Variants in AFAP1L2 observed in about 807,000 individuals in gnomAD.
AFAP1L2 encodes the protein actin filament-associated protein 1-like 2.
In AFAP1L2, 46 loss-of-function variants were observed where a neutral mutation model predicts 99.3. The ratio of observed to expected loss-of-function variants is 0.46; its 90% CI spans 0.37 to 0.59. AFAP1L2 has a LOEUF of 0.59. AFAP1L2 is among the 20% of genes least tolerant of loss of function. The pLI, the probability that AFAP1L2 is intolerant of heterozygous loss-of-function variation, is 0.00. For missense variants in AFAP1L2, 959 were observed against 1,034.9 expected, an observed-to-expected ratio of 0.93 and a Z score of 1.01; for synonymous variants, 397 against 419.1, an observed-to-expected ratio of 0.95 and a Z score of 0.64.
chr10:114,305,700 C>CGCA (rs2042180962), intron 10 of AFAP1L2, among the ~76,000 whole-genome samples: 4 of 44,006 alleles, frequency 9.1e-5, no homozygotes, highest in Admixed American at 6.1e-4. Flanking sequence ...CAGGAGGGAG[C>CGCA]GGGGCTGGAG....
chr10:114,288,961 C>T, the AFAP1L2 span: 1 of 1,611,950 alleles, frequency 6.2e-7, no homozygotes, highest in Non-Finnish European at 8.5e-7. Context: ...AGCCCTGGAC[C>T]TCGTCTTCAT....
chr10:114,331,752 A>C (rs2047265228), intron 4 of AFAP1L2, 51 bp downstream of exon 4: 1 of 1,248,230 alleles, frequency 8.0e-7, no homozygotes, highest in Admixed American at 4.1e-5. Flanking sequence ...GACAACTGGA[A>C]GTTCAAGGGG....
chr10:114,370,899 T>C (rs2054002369), intron 1 of AFAP1L2, among the ~76,000 whole-genome samples: 1 of 152,180 alleles, frequency 6.6e-6, no homozygotes, highest in Non-Finnish European at 1.5e-5. Flanking sequence ...TTTCCATAAA[T>C]CCCATGTAAC....
chr10:114,307,727 C>T (rs2042638459), intron 10 of AFAP1L2, 78 bp downstream of exon 10: 12 of 1,245,102 alleles, frequency 9.6e-6, no homozygotes, highest in South Asian at 2.5e-5. Flanking sequence ...CCCCTGCCTT[C>T]GCTGTCTGAG....
Position 114,351,553 on chromosome 10 carries a change from C to T in AFAP1L2, c.17-10822G>A, listed in dbSNP as rs192962055. Among the ~76,000 whole-genome samples, 328 of 152,314 alleles carry T rather than the reference C, an allele frequency of 2.2e-3. 2 individuals are homozygous for T. The highest frequency in any genetic ancestry group is 7.7e-3 in the African/African-American group (318 of 41,564). ...CCCCAGCAATCCAAAGTGACCACCA[C>T]TCTGAGGTTGGAGTCAACCGGGGGG... is the stretch of plus-strand genomic sequence containing the variant. On this transcript the variant is annotated intron_variant, in intron 1 of 18. Coordinates refer to ENST00000304129, the MANE Select transcript of AFAP1L2 (RefSeq NM_001001936.3).
intron 18 of AFAP1L2, 79 bp from the exon 19 acceptor site, chr10:114,296,147 C>A: frequency 1.3e-6 from 2 of 1,586,572 alleles, no homozygotes; most frequent in South Asian, 1.1e-5. Flanking sequence ...CCTTGATATA[C>A]ATAGAAAAAA....
intron 5 of AFAP1L2, among the ~76,000 whole-genome samples, chr10:114,320,711 G>A (rs1177649938): frequency 6.6e-6 from 1 of 152,190 alleles, no homozygotes; most frequent in Non-Finnish European, 1.5e-5. Flanking sequence ...AGAAGCGCTG[G>A]CCTTTCTGAC....
chr10:114,291,273 A>G (rs2039572471), downstream of AFAP1L2: 2 of 1,543,740 alleles, frequency 1.3e-6, no homozygotes. Context: ...CAGCAGCCGT[A>G]CCCCTCCCAG....
downstream of AFAP1L2, chr10:114,291,321 A>T: frequency 1.4e-6 from 2 of 1,441,878 alleles, no homozygotes; most frequent in Non-Finnish European, 1.9e-6. Flanking sequence ...AATGGTGCCT[A>T]CCTTCTGGAA....
At chr10:114,301,534 G>T in intron 12 of AFAP1L2, 69 bp from the exon 13 acceptor site, 2 of 1,174,948 alleles carry the variant, frequency 1.7e-6, no homozygotes, top group East Asian at 2.3e-5. Flanking sequence ...AGACTCCAAG[G>T]ATTCCCAGTG....
chr10:114,398,080 C>T (rs146984260), intron 1 of AFAP1L2, among the ~76,000 whole-genome samples: 1 of 152,278 alleles, frequency 6.6e-6, no homozygotes, highest in Non-Finnish European at 1.5e-5. Flanking sequence ...GCAGGCTCCT[C>T]CTGTTTTTCT....
At chr10:114,371,896 T>C (rs2054165210) in intron 1 of AFAP1L2, among the ~76,000 whole-genome samples, 1 of 151,994 alleles carries the variant, frequency 6.6e-6, no homozygotes, top group South Asian at 2.1e-4. Context: ...TTATAGCTCA[T>C]ATACCTAGTG....
At chr10:114,343,100 G>A (rs1398193997) in intron 1 of AFAP1L2, among the ~76,000 whole-genome samples, 1 of 152,236 alleles carries the variant, frequency 6.6e-6, no homozygotes, top group African/African-American at 2.4e-5. Flanking sequence ...AAAAATCCAG[G>A]TATCTGGCAG....
At chr10:114,340,762 T>A (rs2048701937) in intron 1 of AFAP1L2, 31 bp from the exon 2 acceptor site, 1 of 1,614,036 alleles carries the variant, frequency 6.2e-7, no homozygotes, top group Non-Finnish European at 8.5e-7. Context: ...AAACTTATAG[T>A]GGCTGCCCGC....
At chr10:114,310,822 T>A (rs2043121687) in intron 7 of AFAP1L2, among the ~76,000 whole-genome samples, 1 of 152,206 alleles carries the variant, frequency 6.6e-6, no homozygotes, top group Admixed American at 6.5e-5. Flanking sequence ...GATCAACAAC[T>A]GCCTTGCTAG....
intron 1 of AFAP1L2, among the ~76,000 whole-genome samples, chr10:114,355,129 A>G (rs1180124141): frequency 6.6e-6 from 1 of 152,238 alleles, no homozygotes; most frequent in East Asian, 1.9e-4. Context: ...ATGATGGCCA[A>G]CAAACACCGA....
intron 13 of AFAP1L2, 21 bp downstream of exon 13, chr10:114,301,333 A>G (rs2041148207): frequency 1.9e-6 from 3 of 1,592,452 alleles, no homozygotes; most frequent in Non-Finnish European, 2.6e-6. Flanking sequence ...GGCCCAGGCC[A>G]CTGCCTGGCC....
chr10:114,300,056 C>A (rs2040867213), intron 15 of AFAP1L2, 138 bp downstream of exon 15: 1 of 1,257,536 alleles, frequency 8.0e-7, no homozygotes, highest in East Asian at 2.5e-5. Flanking sequence ...TATCGTGGGA[C>A]TTGACCTTGT....
intron 1 of AFAP1L2, among the ~76,000 whole-genome samples, chr10:114,348,781 A>G (rs959985234): frequency 6.6e-6 from 1 of 152,222 alleles, no homozygotes; most frequent in African/African-American, 2.4e-5. Flanking sequence ...GTGCACCCCC[A>G]GAATTCTGCT....
Sources: allele counts gnomAD v4.1 joint callset (sites outside exome capture counted in the v4.1 genomes callset), GRCh38; gene constraint gnomAD v4.1.1; transcripts MANE v1.5; gene names NCBI Gene and HGNC (gene_info 2026-07-23, HGNC 2026-07-21).